Variants in ANKS1B observed in about 807,000 individuals in gnomAD.
The protein encoded by ANKS1B is ankyrin repeat and sterile alpha motif domain containing 1B.
A neutral mutation model predicts 148.3 loss-of-function variants in ANKS1B; 36 were observed. That is an observed-to-expected ratio of 0.24 (90% CI 0.19 to 0.32). ANKS1B has a LOEUF of 0.32. ANKS1B is among the 10% of genes least tolerant of loss of function. ANKS1B has a pLI of 1.00. For synonymous variants in ANKS1B, 542 were observed against 560.8 expected (o/e 0.97, Z 0.47); for missense variants, 1,157 against 1,542.6 (o/e 0.75, Z 4.19).
At chr12:99,295,783 C>CAG (rs1407414770) in intron 12 of ANKS1B, among the ~76,000 whole-genome samples, 1 of 152,138 alleles carries the variant, frequency 6.6e-6, no homozygotes, top group Non-Finnish European at 1.5e-5. Context: ...CAAAAGGCCC[C>CAG]AGTGTGTACT....
chr12:99,852,876 A>G (rs2088198535), intron 1 of ANKS1B, among the ~76,000 whole-genome samples: 1 of 152,190 alleles, frequency 6.6e-6, no homozygotes, highest in Admixed American at 6.5e-5. Context: ...TTGGGAGGGC[A>G]CAGTGTGAGT....
chr12:99,484,730 A>G (rs2096462952), intron 10 of ANKS1B, among the ~76,000 whole-genome samples: 1 of 137,806 alleles, frequency 7.3e-6, no homozygotes, highest in South Asian at 2.3e-4. Context: ...CCCTTTTATC[A>G]TTATATAGTG....
chr12:99,815,736 G>A (rs1312558077), intron 2 of ANKS1B, among the ~76,000 whole-genome samples: 3 of 151,752 alleles, frequency 2.0e-5, no homozygotes, highest in East Asian at 1.9e-4. Flanking sequence ...AAGTGAGAAC[G>A]CATGGTATTT....
At chr12:99,189,058 A>G (rs554310267) in intron 14 of ANKS1B, among the ~76,000 whole-genome samples, 3 of 152,342 alleles carry the variant, frequency 2.0e-5, no homozygotes, top group Admixed American at 2.0e-4. Context: ...AGCATACTAT[A>G]AACACCTCTA....
At chr12:99,316,708 C>A (rs1412630242) in intron 12 of ANKS1B, among the ~76,000 whole-genome samples, 1 of 152,002 alleles carries the variant, frequency 6.6e-6, no homozygotes, top group Non-Finnish European at 1.5e-5. Context: ...CTTTTGTTGC[C>A]ATTGCTTTTG....
intron 17 of ANKS1B, among the ~76,000 whole-genome samples, chr12:98,905,893 T>C (rs981000757): frequency 6.6e-6 from 1 of 152,216 alleles, no homozygotes; most frequent in Non-Finnish European, 1.5e-5. Flanking sequence ...GCCCACTCTC[T>C]TTCTAGTGAA....
intron 10 of ANKS1B, among the ~76,000 whole-genome samples, chr12:99,452,657 G>A (rs1045274175): frequency 3.3e-5 from 5 of 152,286 alleles, no homozygotes; most frequent in Admixed American, 3.3e-4. Context: ...TATTTTCAGT[G>A]AGAAAGTACT....
intron 15 of ANKS1B, 70 bp from the exon 16 acceptor site, chr12:99,085,093 T>A: frequency 2.3e-6 from 3 of 1,295,396 alleles, no homozygotes; most frequent in Non-Finnish European, 3.3e-6. Context: ...AAGGATTTAT[T>A]TAATACAGAG....
chr12:99,560,896 T>C (rs1233726963), intron 9 of ANKS1B, among the ~76,000 whole-genome samples: 1 of 145,802 alleles, frequency 6.9e-6, no homozygotes. Flanking sequence ...CTTCAGGCTG[T>C]AGTACAGTGG....
In ANKS1B at chr12:99,951,792, C is replaced by T. The variant is rs370719388; in HGVS notation, c.134+32312G>A. 7.0e-4 allele frequency among the ~76,000 whole-genome samples: 107 copies of T among 152,200 alleles called. No individual in the cohort carries two copies. The South Asian group carries it at 0.021, about 30-fold the overall frequency. ...CCAACTATAACTCAGGAGGCTGAGC[C>T]GGAAGATCACTTGAGCCCAGCAGTT... is the stretch of plus-strand genomic sequence containing the variant. On this transcript the variant is annotated intron_variant, in intron 1 of 26. Transcript: ENST00000683438.
chr12:99,550,694 A>G (rs2097210091), intron 9 of ANKS1B, among the ~76,000 whole-genome samples: 1 of 152,040 alleles, frequency 6.6e-6, no homozygotes, highest in South Asian at 2.1e-4. Flanking sequence ...ACAGTTATTT[A>G]TTTTGCACAC....
At chr12:99,192,478 TA>T (rs2080864421) in intron 14 of ANKS1B, among the ~76,000 whole-genome samples, 1 of 152,268 alleles carries the variant, frequency 6.6e-6, no homozygotes, top group Admixed American at 6.5e-5. Flanking sequence ...ACATGTTCAG[TA>T]CTATTCAATA....
intron 16 of ANKS1B, among the ~76,000 whole-genome samples, chr12:99,078,815 G>A (rs1173418069): frequency 1.5e-5 from 2 of 134,398 alleles, no homozygotes; most frequent in East Asian, 5.1e-4. Flanking sequence ...CCTCTATTAT[G>A]TATGAACTGA....
intron 2 of ANKS1B, among the ~76,000 whole-genome samples, chr12:99,821,045 C>T (rs1018173901): frequency 6.6e-6 from 1 of 151,962 alleles, no homozygotes; most frequent in African/African-American, 2.4e-5. Flanking sequence ...AACATACACT[C>T]TATATGAAAT....
intron 1 of ANKS1B, among the ~76,000 whole-genome samples, chr12:99,959,530 T>C (rs2095378195): frequency 6.6e-6 from 1 of 152,212 alleles, no homozygotes; most frequent in South Asian, 2.1e-4. Context: ...ACACATTTAA[T>C]GAAAACAAAA....
chr12:99,900,908 C>T (rs2093576746), intron 1 of ANKS1B, among the ~76,000 whole-genome samples: 1 of 152,184 alleles, frequency 6.6e-6, no homozygotes, highest in Non-Finnish European at 1.5e-5. Context: ...TTCTAAATTT[C>T]AGACCAGCAT....
chr12:99,833,714 A>AT (rs1224285613), intron 1 of ANKS1B, among the ~76,000 whole-genome samples: 1 of 152,184 alleles, frequency 6.6e-6, no homozygotes, highest in East Asian at 1.9e-4. Flanking sequence ...ACTGTCATAC[A>AT]TTTTTTAAAT....
chr12:99,671,381 G>A (rs1411588711), intron 8 of ANKS1B, among the ~76,000 whole-genome samples: 4 of 151,976 alleles, frequency 2.6e-5, no homozygotes, highest in Admixed American at 1.3e-4. Flanking sequence ...AAATTAATAG[G>A]CATGTTTGAT....
chr12:99,422,412 G>T (rs1298356076), intron 11 of ANKS1B, among the ~76,000 whole-genome samples: 1 of 152,168 alleles, frequency 6.6e-6, no homozygotes, highest in African/African-American at 2.4e-5. Context: ...TGAAGAAATA[G>T]AACTTCCTAT....
Sources: allele counts gnomAD v4.1 joint callset (sites outside exome capture counted in the v4.1 genomes callset), GRCh38; gene constraint gnomAD v4.1.1; transcripts MANE v1.5; gene names NCBI Gene and HGNC (gene_info 2026-07-23, HGNC 2026-07-21).